Variants in ZBTB41 observed in about 807,000 individuals in gnomAD.
ZBTB41 encodes zinc finger and BTB domain containing 41.
A neutral mutation model predicts 87.6 loss-of-function variants in ZBTB41; 42 were observed. The ratio of observed to expected loss-of-function variants is 0.48; its 90% CI spans 0.37 to 0.62. ZBTB41 has a LOEUF of 0.62. Among genes scored for constraint, ZBTB41 ranks in the 20% least tolerant of loss-of-function variants. The pLI, the probability that ZBTB41 is intolerant of heterozygous loss-of-function variation, is 0.00. For synonymous variants in ZBTB41, 364 were observed against 364.0 expected, an observed-to-expected ratio of 1.00 and a Z score of 0.00; for missense variants, 799 against 1,078.9, an observed-to-expected ratio of 0.74 and a Z score of 3.63.
intron 2 of ZBTB41, among the ~76,000 whole-genome samples, chr1:197,193,324 G>A (rs1199355014): frequency 6.6e-6 from 1 of 151,360 alleles, no homozygotes; most frequent in Non-Finnish European, 1.5e-5. Context: ...AACACTTGAG[G>A]TCATGAGTTT....
chr1:197,187,114 G>A (rs1659904888), intron 5 of ZBTB41, among the ~76,000 whole-genome samples: 1 of 152,124 alleles, frequency 6.6e-6, no homozygotes, highest in South Asian at 2.1e-4. Flanking sequence ...AATGTAAAAT[G>A]ATACAACTAC....
At chr1:197,188,562 C>T (rs1187508480) in intron 4 of ZBTB41, 123 bp from the exon 5 acceptor site, 4 of 972,928 alleles carry the variant, frequency 4.1e-6, no homozygotes, top group Non-Finnish European at 5.8e-6. Flanking sequence ...AGAAAACTTA[C>T]AAAAAGTAAA....
At chr1:197,168,821 T>C (rs1352482965) in intron 10 of ZBTB41, among the ~76,000 whole-genome samples, 1 of 152,046 alleles carries the variant, frequency 6.6e-6, no homozygotes, top group African/African-American at 2.4e-5. Flanking sequence ...AGGTAAGTCA[T>C]AGAGGAGAAG....
chr1:197,189,448 C>T (rs574401389), intron 4 of ZBTB41, among the ~76,000 whole-genome samples: 18 of 151,920 alleles, frequency 1.2e-4, no homozygotes, highest in Non-Finnish European at 2.1e-4. Flanking sequence ...ATCACTTGAA[C>T]CCAGGAGGAG....
intron 2 of ZBTB41, among the ~76,000 whole-genome samples, 198 bp from the exon 3 acceptor site, chr1:197,192,097 G>C (rs894363011): frequency 2.0e-5 from 3 of 151,888 alleles, no homozygotes; most frequent in African/African-American, 7.2e-5. Flanking sequence ...CCTGTTCAAA[G>C]TGTACTTTTC....
chr1:197,160,076 C>T (rs1163941755), intron 10 of ZBTB41, 62 bp from the exon 11 acceptor site: 24 of 1,310,590 alleles, frequency 1.8e-5, no homozygotes, highest in Non-Finnish European at 2.5e-5. Flanking sequence ...AAGACAATGA[C>T]TTCAAGTAGC....
rs185362459 is a variant in ZBTB41 at position 197,177,579 on chromosome 1, T to A, written c.1772+838A>T. ...TTCTAAGAACTCAACTTTATGAAAA[T>A]TACATCTTACTGCTTTTCTTCACAC... On this transcript the variant is annotated intron_variant, in intron 7 of 10. Coordinates refer to ENST00000367405, the MANE Select transcript of ZBTB41 (RefSeq NM_194314.3). Among the ~76,000 whole-genome samples the A allele has an allele frequency of 1.9e-3, 293 of 152,182 alleles. 1 individual carries two copies. The highest frequency in any genetic ancestry group is 6.8e-3 in the African/African-American group (283 of 41,534).
At chr1:197,191,620 T>A (rs1660036471) in intron 3 of ZBTB41, 72 bp downstream of exon 3, 1 of 1,233,680 alleles carries the variant, frequency 8.1e-7, no homozygotes. Flanking sequence ...ACTTTATAGA[T>A]GTTTTTAGCT....
chr1:197,178,672 C>A (rs1659670209), intron 6 of ZBTB41, among the ~76,000 whole-genome samples, 160 bp from the exon 7 acceptor site: 1 of 152,094 alleles, frequency 6.6e-6, no homozygotes, highest in Admixed American at 6.6e-5. Context: ...CACTAGTATA[C>A]AAACATGCTT....
chr1:197,161,219 TG>T (rs1246090216), intron 10 of ZBTB41, among the ~76,000 whole-genome samples: 1 of 152,110 alleles, frequency 6.6e-6, no homozygotes, highest in Non-Finnish European at 1.5e-5. Context: ...ACCAAATTTG[TG>T]GTGGTTTGTT....
intron 10 of ZBTB41, among the ~76,000 whole-genome samples, chr1:197,169,628 A>G (rs1659430476): frequency 6.6e-6 from 1 of 152,086 alleles, no homozygotes; most frequent in Non-Finnish European, 1.5e-5. Context: ...GATCTGAGTC[A>G]TGACTACATT....
intron 4 of ZBTB41, 42 bp from the exon 5 acceptor site, chr1:197,188,481 A>T (rs759900243): frequency 6.4e-5 from 96 of 1,509,520 alleles, no homozygotes; most frequent in Non-Finnish European, 8.1e-5. Flanking sequence ...AACCTGAATT[A>T]AAAATTGTAA....
At chr1:197,180,764 G>C (rs1659726183) in intron 6 of ZBTB41, among the ~76,000 whole-genome samples, 1 of 151,894 alleles carries the variant, frequency 6.6e-6, no homozygotes, top group Non-Finnish European at 1.5e-5. Context: ...GTTTCAGAAA[G>C]ACATAAAATA....
chr1:197,196,843 T>C (rs899037598), intron 2 of ZBTB41, among the ~76,000 whole-genome samples: 2 of 152,206 alleles, frequency 1.3e-5, no homozygotes, highest in African/African-American at 4.8e-5. Flanking sequence ...CTGGTCCTTC[T>C]GTCTTGTAAA....
chr1:197,173,815 G>T (rs981840179), intron 9 of ZBTB41, among the ~76,000 whole-genome samples: 1 of 152,114 alleles, frequency 6.6e-6, no homozygotes, highest in African/African-American at 2.4e-5. Context: ...AGAGGAAGTA[G>T]TACTCGACTG....
At chr1:197,176,941 C>T (rs1659623857) in intron 7 of ZBTB41, among the ~76,000 whole-genome samples, 1 of 152,076 alleles carries the variant, frequency 6.6e-6, no homozygotes, top group Non-Finnish European at 1.5e-5. Flanking sequence ...ATATTAGATC[C>T]TAAATCTAGT....
intron 5 of ZBTB41, among the ~76,000 whole-genome samples, chr1:197,186,737 G>A (rs1027847790): frequency 7.9e-5 from 12 of 152,014 alleles, no homozygotes; most frequent in Admixed American, 5.2e-4. Context: ...GGTGGCAGGC[G>A]CCTGTAATCC....
chr1:197,190,035 C>T (rs1209009205), intron 4 of ZBTB41, among the ~76,000 whole-genome samples: 2 of 152,332 alleles, frequency 1.3e-5, no homozygotes, highest in East Asian at 3.9e-4. Flanking sequence ...TCTCTTGCCT[C>T]AGTCTCCAGA....
chr1:197,187,339 T>C (rs114420453), intron 5 of ZBTB41, among the ~76,000 whole-genome samples: 2,093 of 152,256 alleles, frequency 0.014, 44 homozygotes, highest in African/African-American at 0.048. Context: ...CTGTGGTATA[T>C]CCAGACAATG....
Sources: allele counts gnomAD v4.1 joint callset (sites outside exome capture counted in the v4.1 genomes callset), GRCh38; gene constraint gnomAD v4.1.1; transcripts MANE v1.5; gene names NCBI Gene and HGNC (gene_info 2026-07-23, HGNC 2026-07-21).